SLC2A9: variants seen among roughly 807,000 people sequenced by gnomAD.
The protein encoded by SLC2A9 is solute carrier family 2 member 9.
SLC2A9 carries 39 observed loss-of-function variants against 50.6 expected under a neutral mutation model. The ratio of observed to expected loss-of-function variants is 0.77; its 90% CI spans 0.60 to 1.01. The LOEUF is 1.01. Ranked by LOEUF, SLC2A9 falls within the 50% of genes least tolerant of loss-of-function variation. SLC2A9 has a pLI of 0.00. For synonymous variants in SLC2A9, 324 were observed against 276.9 expected (o/e 1.17, Z -1.69); for missense variants, 686 against 677.6 (o/e 1.01, Z -0.14).
intron 11 of SLC2A9, among the ~76,000 whole-genome samples, 159 bp downstream of exon 11, chr4:9,834,722 G>A (rs527505781): frequency 6.6e-6 from 1 of 152,340 alleles, no homozygotes; most frequent in South Asian, 2.1e-4. Context: ...AGAAAGGGAT[G>A]AAAGGTTTTG....
chr4:10,001,717 C>A (rs899259277), intron 2 of SLC2A9, among the ~76,000 whole-genome samples: 1 of 152,206 alleles, frequency 6.6e-6, no homozygotes, highest in Non-Finnish European at 1.5e-5. Flanking sequence ...CCACTATGTT[C>A]TTTCTTAGTG....
At chr4:9,955,007 A>G (rs1219622278) in intron 5 of SLC2A9, among the ~76,000 whole-genome samples, 1 of 152,196 alleles carries the variant, frequency 6.6e-6, no homozygotes, top group Admixed American at 6.5e-5. Context: ...TTTACCTGGT[A>G]TATGGCCTTC....
chr4:9,964,255 A>AATTTGC (rs1752724516), intron 5 of SLC2A9, among the ~76,000 whole-genome samples: 1 of 142,588 alleles, frequency 7.0e-6, no homozygotes, highest in African/African-American at 2.7e-5. Flanking sequence ...CAGGGATGAG[A>AATTTGC]ATTTGCATTT....
chr4:9,876,439 T>C (rs1734334433), intron 10 of SLC2A9, among the ~76,000 whole-genome samples: 1 of 152,052 alleles, frequency 6.6e-6, no homozygotes, highest in African/African-American at 2.4e-5. Flanking sequence ...CAAAAAAATT[T>C]AAAAAGTAGC....
intron 10 of SLC2A9, chr4:9,879,187 A>G (rs1330870759): frequency 1.0e-6 from 1 of 985,126 alleles, no homozygotes; most frequent in Admixed American, 6.2e-5. Context: ...ACTAGGAGTT[A>G]ATCTAGGGGG....
intron 4 of SLC2A9, among the ~76,000 whole-genome samples, chr4:9,982,868 T>C (rs551143368): frequency 2.0e-4 from 31 of 152,346 alleles, no homozygotes; most frequent in Admixed American, 1.3e-3. Context: ...TTTATTTATT[T>C]ATTTATGTAT....
chr4:9,942,188 C>T, intron 5 of SLC2A9, 143 bp from the exon 6 acceptor site: 1 of 983,262 alleles, frequency 1.0e-6, no homozygotes, highest in African/African-American at 1.6e-5. Flanking sequence ...AGGGAAGGAA[C>T]TGAGCCAGGC....
At chr4:9,916,805 A>G (rs1742924597) in intron 7 of SLC2A9, among the ~76,000 whole-genome samples, 1 of 152,206 alleles carries the variant, frequency 6.6e-6, no homozygotes, top group South Asian at 2.1e-4. Flanking sequence ...GCTTCCCCAC[A>G]CTGGGCTTGA....
chr4:10,035,595 C>G (rs1764075098), intron 1 of SLC2A9: 1 of 152,060 alleles, frequency 6.6e-6, no homozygotes, highest in African/African-American at 2.4e-5. Context: ...TTAAAGAATC[C>G]CTAGAAAGCT....
chr4:9,889,601 C>A (rs959349286), intron 9 of SLC2A9, among the ~76,000 whole-genome samples: 4 of 152,220 alleles, frequency 2.6e-5, no homozygotes, highest in African/African-American at 7.2e-5. Flanking sequence ...GCCAGCCCCA[C>A]CTCTTCAAAG....
At chr4:9,904,500 G>C (rs920864693) in intron 8 of SLC2A9, among the ~76,000 whole-genome samples, 3 of 152,334 alleles carry the variant, frequency 2.0e-5, no homozygotes, top group Non-Finnish European at 2.9e-5. Context: ...GGGTAATCCA[G>C]GGTTAGCTCC....
rs751346520 is a variant in SLC2A9, at chr4:9,782,626, C to T, written n.386-2561G>A. ...TGGACCTGCCAAACAACCTGGCCAA[C>T]TGGACGCCCTGGGAGGAGGACTTTT... On this transcript the variant is annotated intron_variant and non_coding_transcript_variant, in intron 3 of 3. Coordinates refer to the SLC2A9 transcript ENST00000503803. 6 of 1,613,886 alleles carry T rather than the reference C, an allele frequency of 3.7e-6. No individual in the cohort carries two copies. The Admixed American group carries it at 6.7e-5, about 18-fold the overall frequency.
chr4:9,776,396 C>T (rs1717575164), downstream of SLC2A9, among the ~76,000 whole-genome samples: 1 of 152,026 alleles, frequency 6.6e-6, no homozygotes, highest in Non-Finnish European at 1.5e-5. Context: ...CACTGTTGCT[C>T]TAACAGGGAG....
At chr4:9,965,885 C>T (rs902676965) in intron 5 of SLC2A9, among the ~76,000 whole-genome samples, 4 of 152,152 alleles carry the variant, frequency 2.6e-5, no homozygotes, top group Middle Eastern at 3.4e-3. Flanking sequence ...TAGATTTTTA[C>T]GAAAGTAGTT....
intron 2 of SLC2A9, among the ~76,000 whole-genome samples, chr4:10,008,233 T>C (rs900437046): frequency 3.9e-5 from 6 of 152,212 alleles, no homozygotes; most frequent in Admixed American, 3.3e-4. Context: ...AATGAGAAAA[T>C]TCTATATCAA....
At chr4:9,974,912 G>A (rs1754540097) in intron 5 of SLC2A9, among the ~76,000 whole-genome samples, 1 of 152,108 alleles carries the variant, frequency 6.6e-6, no homozygotes, top group Non-Finnish European at 1.5e-5. Context: ...CAGACACATA[G>A]ACAAATGAAA....
At chr4:9,776,127 G>C (rs1717531140), downstream of SLC2A9, among the ~76,000 whole-genome samples, 1 of 151,904 alleles carries the variant, frequency 6.6e-6, no homozygotes, top group African/African-American at 2.4e-5. Context: ...AAAGCAAGTA[G>C]ACAGGAAGCC....
chr4:9,855,805 G>C (rs1365522250), intron 10 of SLC2A9, among the ~76,000 whole-genome samples: 1 of 152,020 alleles, frequency 6.6e-6, no homozygotes. Context: ...CAGAAAAAAG[G>C]CCACCTACCT....
chr4:9,833,580 G>A (rs932881596), intron 11 of SLC2A9, among the ~76,000 whole-genome samples: 2 of 152,202 alleles, frequency 1.3e-5, no homozygotes, highest in African/African-American at 4.8e-5. Context: ...CAGAGCAACT[G>A]CTCCGTAACT....
Sources: allele counts gnomAD v4.1 joint callset (sites outside exome capture counted in the v4.1 genomes callset), GRCh38; gene constraint gnomAD v4.1.1; transcripts MANE v1.5; gene names NCBI Gene and HGNC (gene_info 2026-07-23, HGNC 2026-07-21).